TMEM65: variants seen among roughly 807,000 people sequenced by gnomAD.
TMEM65 encodes transmembrane protein 65.
TMEM65 carries 22 observed loss-of-function variants against 25.4 expected under a neutral mutation model. That is an observed-to-expected ratio of 0.86 (90% CI 0.62 to 1.23). The LOEUF (loss-of-function observed/expected upper bound fraction) is 1.23. Ranked by LOEUF, TMEM65 falls within the 50% of genes most tolerant of loss-of-function variation. The pLI is 0.00. For synonymous variants in TMEM65, 132 were observed against 126.2 expected (o/e 1.05, Z -0.31); for missense variants, 262 against 308.2 (o/e 0.85, Z 1.12).
At chr8:124,323,223 G>A (rs1298239812) in intron 4 of TMEM65, 98 bp downstream of exon 4, 3 of 664,518 alleles carry the variant, frequency 4.5e-6, no homozygotes, top group South Asian at 1.9e-5. Context: ...ATCTCAATGA[G>A]TAAACTCATT....
chr8:124,316,496 G>C (rs1297001566), intron 6 of TMEM65, among the ~76,000 whole-genome samples: 4 of 152,092 alleles, frequency 2.6e-5, no homozygotes, highest in Admixed American at 1.3e-4. Context: ...AAAATGTTAT[G>C]TTACAGAGTA....
At chr8:124,371,083 T>C (rs1024394085) in intron 1 of TMEM65, among the ~76,000 whole-genome samples, 1 of 152,250 alleles carries the variant, frequency 6.6e-6, no homozygotes, top group Non-Finnish European at 1.5e-5. Flanking sequence ...TATTTTAACA[T>C]GCTAGTTTAA....
At position 124,371,960 on chromosome 8, in the gene TMEM65, C is replaced by T; in HGVS notation, c.198G>A (p.Leu66=). 2 of 1,504,688 alleles carry T rather than the reference C, an allele frequency of 1.3e-6. No individual in the cohort carries two copies. The highest frequency in any genetic ancestry group is 8.9e-7 in the Non-Finnish European group (1 of 1,129,772). The allele number at this position is 1,504,688 out of a possible 1,614,324, so 93.2% of individuals were successfully genotyped here. A position where few individuals can be genotyped will look rare whatever the true frequency, so the allele number is the denominator to read the frequency against. Residue 66 remains leucine, a synonymous_variant, in exon 1 of 7, where the codon CTG becomes CTA. Coordinates refer to ENST00000297632, the MANE Select transcript of TMEM65 (RefSeq NM_194291.3). ...AGTCGCGCGCGCCCTGCGCCGTGTT[C>T]AGCGCCTCCATGGGCTCCTTCTTGG... ...THPKKEPMEA[L]NTAQGARDFI...
In TMEM65 at chr8:124,323,610, A is replaced by G. The variant is rs549938715; in HGVS notation, c.418-235T>C. ...TTCAAATTAGGCTTCTAAAAATAAA[A>G]TTAGCAACACATGTAGAAATATAGT... On this transcript the variant is annotated intron_variant, in intron 3 of 6. Transcript: ENST00000297632. Among the ~76,000 whole-genome samples the G allele has an allele frequency of 3.3e-5, 5 of 152,242 alleles. No homozygotes were observed. In the East Asian group the frequency reaches 9.6e-4, roughly 29 times the overall value.
chr8:124,331,654 G>A (rs1336159633), intron 1 of TMEM65, among the ~76,000 whole-genome samples: 2 of 151,476 alleles, frequency 1.3e-5, no homozygotes, highest in Non-Finnish European at 3.0e-5. Flanking sequence ...ATTTGTTTAA[G>A]GTAAAAAGGT....
chr8:124,362,068 T>C (rs1357130491), intron 1 of TMEM65, among the ~76,000 whole-genome samples: 1 of 151,708 alleles, frequency 6.6e-6, no homozygotes. Context: ...TTTTTTGTAC[T>C]TTTAGTAGAT....
At chr8:124,332,057 G>T (rs1356902372) in intron 1 of TMEM65, among the ~76,000 whole-genome samples, 2 of 151,894 alleles carry the variant, frequency 1.3e-5, no homozygotes, top group Non-Finnish European at 2.9e-5. Context: ...TTTTTTAGAA[G>T]AATTAAGAAA....
chr8:124,320,122 T>C lies in TMEM65; in HGVS notation c.585A>G (p.Gln195=). The change falls in exon 6 of 7, where the codon CAA becomes CAG. Residue 195 remains glutamine, a synonymous_variant. Coordinates refer to ENST00000297632, the MANE Select transcript of TMEM65 (RefSeq NM_194291.3). The part of the protein sequence containing the change: ...GLSIPDLTPK[Q]VDMWQTRLST... ...TAAGACGTGTTTGCCACATGTCAAC[T>C]TGCTTTGGTGTGAGATCAGGAATTG... 1 of 1,613,344 alleles carries C rather than the reference T, an allele frequency of 6.2e-7. No individual in the cohort carries two copies.
Position 124,312,238 on chromosome 8 carries a change from T to C in TMEM65, c.*1722A>G, listed in dbSNP as rs1814171958. ...ATGGAAGATACAAACCGAAATTCTA[T>C]TTAAGATCTCAAGTTCTAGAATCAT... On this transcript the variant is annotated 3_prime_UTR_variant, in exon 7 of 7. Coordinates refer to ENST00000297632, the MANE Select transcript of TMEM65 (RefSeq NM_194291.3). The C allele has an allele frequency of 6.6e-6, 1 of 151,882 alleles. No individual in the cohort carries two copies. Among genetic ancestry groups the C allele is most frequent in the South Asian group, 2.1e-4 (1 of 4,828 alleles). The allele number at this position is 151,882 out of a possible 1,614,324, so 9.4% of individuals were successfully genotyped here.
intron 1 of TMEM65, among the ~76,000 whole-genome samples, chr8:124,355,668 AAC>A (rs1376551619): frequency 6.6e-6 from 1 of 152,214 alleles, no homozygotes; most frequent in Admixed American, 6.5e-5. Flanking sequence ...TTTATAATGA[AAC>A]ACAGTCAAAT....
At chr8:124,320,754 A>G (rs183067739) in intron 5 of TMEM65, among the ~76,000 whole-genome samples, 13 of 152,308 alleles carry the variant, frequency 8.5e-5, no homozygotes, top group Admixed American at 2.6e-4. Context: ...GAACTGTAAG[A>G]AAGAAAAAAT....
intron 6 of TMEM65, among the ~76,000 whole-genome samples, chr8:124,318,651 C>T (rs1814269479): frequency 6.6e-6 from 1 of 152,106 alleles, no homozygotes; most frequent in South Asian, 2.1e-4. Flanking sequence ...GCTGGGATTA[C>T]AAGCATGAGC....
chr8:124,354,709 A>G (rs530344448), intron 1 of TMEM65, among the ~76,000 whole-genome samples: 24 of 152,194 alleles, frequency 1.6e-4, no homozygotes, highest in African/African-American at 5.8e-4. Flanking sequence ...ACTATATTAC[A>G]CCTTTACTTC....
At chr8:124,321,964 G>GA in intron 5 of TMEM65, 141 bp downstream of exon 5, 1 of 714,938 alleles carries the variant, frequency 1.4e-6, no homozygotes, top group Non-Finnish European at 2.3e-6. Flanking sequence ...TATTAGTTTA[G>GA]AAAAAGTAAA....
rs1814185793 is a variant in TMEM65, at chr8:124,313,095, T to TA, written c.*864dup. The TA allele has an allele frequency of 2.0e-5, 3 of 151,870 alleles. No homozygotes were observed. Among genetic ancestry groups the TA allele is most frequent in the African/African-American group, 7.2e-5 (3 of 41,424 alleles). The allele number at this position is 151,870 out of a possible 1,614,324, so 9.4% of individuals were successfully genotyped here. Reference sequence around the variant, plus strand: ...ACAGTTCCTATTTTCCACCTTTTTTTAAAAAAAGCTTTAGTCTCTTAATTT... The same window carrying TA: ...ACAGTTCCTATTTTCCACCTTTTTTTAAAAAAAAGCTTTAGTCTCTTAATTT... On this transcript the variant is annotated 3_prime_UTR_variant, in exon 7 of 7. Coordinates refer to ENST00000297632, the MANE Select transcript of TMEM65 (RefSeq NM_194291.3).
At chr8:124,354,449 C>A (rs1338008906) in intron 1 of TMEM65, among the ~76,000 whole-genome samples, 2 of 152,146 alleles carry the variant, frequency 1.3e-5, no homozygotes, top group Non-Finnish European at 2.9e-5. Context: ...CAATGTGGTA[C>A]ATAATCTGAT....
rs149856754 is a variant in TMEM65, at chr8:124,360,127, T to C, written c.304+11727A>G. The stretch of plus-strand genomic sequence containing the variant: ...TTGAAACTCTTCTGAAAAAGAAATT[T>C]ACATCTATAAAAAAAAATCTCGGCC... On this transcript the variant is annotated intron_variant, in intron 1 of 6. Transcript: ENST00000297632. 6.6e-5 allele frequency among the ~76,000 whole-genome samples: 10 copies of C among 152,042 alleles called. No homozygotes were observed. In the East Asian group the frequency reaches 1.9e-3, roughly 30 times the overall value.
rs554386733 is a variant in TMEM65 at position 124,357,608 on chromosome 8, G to A, written c.304+14246C>T. Reference sequence around the variant, plus strand: ...CATATTTGCTTTTGTATTGAATGGTGCATATTATGCAAACACACAGGAGAT... The same window carrying A: ...CATATTTGCTTTTGTATTGAATGGTACATATTATGCAAACACACAGGAGAT... On this transcript the variant is annotated intron_variant, in intron 1 of 6. Coordinates refer to ENST00000297632, the MANE Select transcript of TMEM65 (RefSeq NM_194291.3). 5.3e-5 allele frequency among the ~76,000 whole-genome samples: 8 copies of A among 152,074 alleles called. No homozygotes were observed. The Middle Eastern group carries it at 0.01, about 194-fold the overall frequency.
At position 124,330,799 on chromosome 8, in the gene TMEM65, G is replaced by A. The variant is rs368085912; in HGVS notation, c.305-7C>T. 1.1e-4 allele frequency: 169 copies of A among 1,577,544 alleles called. No individual in the cohort carries two copies. The highest frequency in any genetic ancestry group is 1.7e-4 in the Middle Eastern group (1 of 5,960). Reference sequence around the variant, plus strand: ...GGTGGAGCTTCCAATTTTTCTAAAGGGGAGAAAAAGGATGTGGGGCAAGAA... The same window carrying A: ...GGTGGAGCTTCCAATTTTTCTAAAGAGGAGAAAAAGGATGTGGGGCAAGAA... On this transcript the variant is annotated splice_polypyrimidine_tract_variant and splice_region_variant and intron_variant, in intron 1 of 6. Coordinates refer to ENST00000297632, the MANE Select transcript of TMEM65 (RefSeq NM_194291.3).
Sources: allele counts gnomAD v4.1 joint callset (sites outside exome capture counted in the v4.1 genomes callset), GRCh38; gene constraint gnomAD v4.1.1; transcripts MANE v1.5; gene names NCBI Gene and HGNC (gene_info 2026-07-23, HGNC 2026-07-21).